IL1RL1: variants seen among roughly 807,000 people sequenced by gnomAD.
The protein encoded by IL1RL1 is interleukin-1 receptor-like 1.
A neutral mutation model predicts 50.9 loss-of-function variants in IL1RL1; 32 were observed. The observed-to-expected ratio is 0.63, with a 90% CI of 0.47 to 0.84. The LOEUF (loss-of-function observed/expected upper bound fraction) is 0.84, where lower values mean the gene tolerates loss of function less well. Ranked by LOEUF, IL1RL1 falls within the 40% of genes least tolerant of loss-of-function variation. IL1RL1 has a pLI of 0.00. For synonymous variants in IL1RL1, 275 were observed against 236.0 expected, an observed-to-expected ratio of 1.17 and a Z score of -1.51; for missense variants, 773 against 662.9, an observed-to-expected ratio of 1.17 and a Z score of -1.82.
intron 2 of IL1RL1, 64 bp from the exon 3 acceptor site, chr2:102,338,773 G>C: frequency 8.1e-7 from 1 of 1,239,646 alleles, no homozygotes. Flanking sequence ...AATATTGAGA[G>C]TATAAGAATT....
At chr2:102,339,247 G>A in intron 3 of IL1RL1, 200 bp downstream of exon 3, 1 of 529,882 alleles carries the variant, frequency 1.9e-6, no homozygotes, top group Non-Finnish European at 3.4e-6. Flanking sequence ...TGAGCTATTT[G>A]GATTTACAGT....
intron 3 of IL1RL1, chr2:102,339,262 G>C: frequency 2.0e-6 from 1 of 500,436 alleles, no homozygotes; most frequent in South Asian, 3.2e-5. Context: ...TACAGTTGCA[G>C]GGATTGATTT....
chr2:102,321,471 C>T lies in IL1RL1; in HGVS notation c.-150+9848C>T, dbSNP rs1250661333. On this transcript the variant is annotated intron_variant, in intron 1 of 10. Coordinates refer to ENST00000233954, the MANE Select transcript of IL1RL1 (RefSeq NM_016232.5). ...ACTGGTTTTCTGGGTTCAGTATTTG[C>T]TTTTCTAAGCCCAGTTGATGCAGTG... Among the ~76,000 whole-genome samples the T allele has an allele frequency of 2.6e-5, 4 of 152,136 alleles. No individual in the cohort carries two copies. In the South Asian group the frequency reaches 6.2e-4, roughly 24 times the overall value.
chr2:102,337,789 T>C (rs940876387), intron 1 of IL1RL1, among the ~76,000 whole-genome samples: 3 of 152,194 alleles, frequency 2.0e-5, no homozygotes, highest in East Asian at 1.9e-4. Context: ...TAAAGTCTAC[T>C]GAATTTTATG....
At chr2:102,312,145 C>G (rs1254151980) in intron 1 of IL1RL1, among the ~76,000 whole-genome samples, 9 of 124,636 alleles carry the variant, frequency 7.2e-5, no homozygotes, top group African/African-American at 2.8e-4. Flanking sequence ...AAAACATTCA[C>G]TCAATGACAG....
intron 7 of IL1RL1, 21 bp downstream of exon 7, chr2:102,343,198 A>G: frequency 6.2e-7 from 1 of 1,614,088 alleles, no homozygotes; most frequent in Non-Finnish European, 8.5e-7. Flanking sequence ...ATTGAAGAGA[A>G]CCATCCTCTT....
chr2:102,324,556 C>T (rs929468731), intron 1 of IL1RL1, among the ~76,000 whole-genome samples: 90 of 152,168 alleles, frequency 5.9e-4, no homozygotes, highest in East Asian at 1.9e-4. Flanking sequence ...GGCGAGGCAT[C>T]GCTTCACCCA....
At chr2:102,348,253 C>T (rs1322174486) in intron 9 of IL1RL1, among the ~76,000 whole-genome samples, 162 bp downstream of exon 9, 1 of 152,118 alleles carries the variant, frequency 6.6e-6, no homozygotes, top group African/African-American at 2.4e-5. Context: ...TCTTAAAGGC[C>T]ATTTTCCATC....
In IL1RL1 at chr2:102,338,848, T is replaced by TG. The variant is rs749688675; in HGVS notation, c.77dup (p.Leu27ProfsTer4). On this transcript the variant is annotated frameshift_variant, in exon 3 of 11. Coordinates refer to ENST00000233954, the MANE Select transcript of IL1RL1 (RefSeq NM_016232.5). LOFTEE classifies it high-confidence loss of function. ...TCTTTTATTTGCAGGTAAACAATCA[T>TG]GGGGCCTGGAAAATGAGGCTTTAAT... The TG allele has an allele frequency of 1.8e-5, 29 of 1,611,888 alleles. No individual in the cohort carries two copies. In the South Asian group the frequency reaches 3.0e-4, roughly 16 times the overall value.
intron 1 of IL1RL1, among the ~76,000 whole-genome samples, chr2:102,315,202 A>G (rs1342989516): frequency 1.3e-5 from 2 of 152,076 alleles, no homozygotes; most frequent in Non-Finnish European, 2.9e-5. Context: ...GGCTTCCTGG[A>G]TGAGGGTGTA....
At chr2:102,337,576 A>C (rs1310346609) in intron 1 of IL1RL1, among the ~76,000 whole-genome samples, 1 of 152,212 alleles carries the variant, frequency 6.6e-6, no homozygotes, top group Non-Finnish European at 1.5e-5. Context: ...GAACAAGCTG[A>C]GTCAGGAACA....
At chr2:102,323,263 ATATATATATAGTGTGTGT>A (rs751350531) in intron 1 of IL1RL1, among the ~76,000 whole-genome samples, 2 of 89,278 alleles carry the variant, frequency 2.2e-5, no homozygotes, top group Non-Finnish European at 5.1e-5. Context: ...ATATATATAT[ATATATATATAGTGTGTGT>A]GTGTGTGTGT....
At chr2:102,330,835 A>T (rs970894010) in intron 1 of IL1RL1, among the ~76,000 whole-genome samples, 1 of 152,164 alleles carries the variant, frequency 6.6e-6, no homozygotes, top group East Asian at 1.9e-4. Flanking sequence ...TTTTTCTTTC[A>T]TGATTAGTGA....
chr2:102,346,111 A>G (rs1332741996), intron 8 of IL1RL1: 1 of 938,142 alleles, frequency 1.1e-6, no homozygotes, highest in Admixed American at 6.2e-5. Flanking sequence ...TTGAGTTGTC[A>G]TGATGAATTC....
In IL1RL1 at chr2:102,343,139, T is replaced by C; in HGVS notation, c.786T>C (p.Gly262=). The change falls in exon 7 of 11, where the codon GGT becomes GGC. Residue 262 remains glycine, a synonymous_variant. Coordinates refer to ENST00000233954, the MANE Select transcript of IL1RL1 (RefSeq NM_016232.5). ...ATGGAACAAAAATTACAGACTTTGG[T>C]GAACCAAGAATTCAACAAGAGGAAG... ...QLNGTKITDF[G]EPRIQQEEGQ... is the part of the protein sequence containing the mutation. The C allele has an allele frequency of 6.2e-7, 1 of 1,614,124 alleles. No homozygotes were observed. The highest frequency in any genetic ancestry group is 8.5e-7 in the Non-Finnish European group (1 of 1,180,010).
At chr2:102,344,398 C>A in intron 8 of IL1RL1, 2 of 953,740 alleles carry the variant, frequency 2.1e-6, no homozygotes, top group Non-Finnish European at 2.5e-6. Flanking sequence ...ATGGAACACA[C>A]GGGAAGTCTG....
At position 102,344,340 on chromosome 2, in the gene IL1RL1, A is replaced by G. The variant is rs937161653; in HGVS notation, c.970+925A>G. 4 of 916,924 alleles carry G rather than the reference A, an allele frequency of 4.4e-6. No individual in the cohort carries two copies. The African/African-American group carries it at 7.3e-5, about 17-fold the overall frequency. 56.8% of individuals were successfully genotyped at this position (916,924 alleles called of 1,614,324 possible). On this transcript the variant is annotated intron_variant, in intron 8 of 10. Coordinates refer to ENST00000233954, the MANE Select transcript of IL1RL1 (RefSeq NM_016232.5). ...TTGGGCAGGAACACAGACCCAAACC[A>G]TACCACACACATTATCATTGTTAAA... is the stretch of plus-strand genomic sequence containing the variant.
At chr2:102,341,602 T>C (rs1180115341) in intron 5 of IL1RL1, among the ~76,000 whole-genome samples, 3 of 152,156 alleles carry the variant, frequency 2.0e-5, no homozygotes, top group Admixed American at 1.3e-4. Context: ...AAAATAAGCA[T>C]CACCAGACCA....
At position 102,352,032 on chromosome 2, in the gene IL1RL1, G is replaced by A; in HGVS notation, c.*111G>A. 1 of 1,120,716 alleles carries A rather than the reference G, an allele frequency of 8.9e-7. No individual in the cohort carries two copies. The highest frequency in any genetic ancestry group is 1.3e-6 in the Non-Finnish European group (1 of 792,078). 69.4% of individuals were successfully genotyped at this position (1,120,716 alleles called of 1,614,324 possible). The stretch of plus-strand genomic sequence containing the variant: ...GGAGCAGGAATATTAAAGGGATTCA[G>A]GCCTCAGGTTTCATCTGGTAACTTT... On this transcript the variant is annotated 3_prime_UTR_variant, in exon 11 of 11. Transcript: ENST00000233954.
Sources: gnomAD v4.1 joint callset for allele counts (sites outside exome capture counted in the v4.1 genomes callset) on GRCh38, gnomAD v4.1.1 for gene constraint, MANE v1.5 for transcripts, NCBI Gene and HGNC (gene_info 2026-07-23, HGNC 2026-07-21) for gene names.